The following SNTG1 variants were observed in gnomAD, a reference collection of about 807,000 sequenced individuals.
The protein encoded by SNTG1 is gamma-1-syntrophin.
In SNTG1, 39 loss-of-function variants were observed where a neutral mutation model predicts 74.7. That is an observed-to-expected ratio of 0.52 (90% CI 0.40 to 0.68). SNTG1 has a LOEUF of 0.68. SNTG1 is among the 30% of genes least tolerant of loss of function. The probability of loss-of-function intolerance (pLI) is 0.00; values close to 1 mark genes in which losing one functional copy is unlikely to be tolerated. For synonymous variants in SNTG1, 254 were observed against 217.1 expected, an observed-to-expected ratio of 1.17 and a Z score of -1.49; for missense variants, 685 against 609.5, an observed-to-expected ratio of 1.12 and a Z score of -1.30.
chr8:50,487,499 T>C (rs2093807277), intron 8 of SNTG1, among the ~76,000 whole-genome samples: 1 of 152,222 alleles, frequency 6.6e-6, no homozygotes, highest in African/African-American at 2.4e-5. Flanking sequence ...CATGGAATAC[T>C]ATGCAGCCAT....
intron 13 of SNTG1, among the ~76,000 whole-genome samples, chr8:50,642,909 G>A (rs1245743935): frequency 6.6e-6 from 1 of 152,098 alleles, no homozygotes. Context: ...TGTGTCCAGT[G>A]TTTATGACAG....
chr8:50,420,620 T>G (rs1180351841), intron 4 of SNTG1, among the ~76,000 whole-genome samples: 2 of 152,144 alleles, frequency 1.3e-5, no homozygotes, highest in Non-Finnish European at 2.9e-5. Flanking sequence ...ATAATACATT[T>G]TCCTTTTCCC....
intron 2 of SNTG1, among the ~76,000 whole-genome samples, chr8:50,315,619 C>A (rs1319654499): frequency 6.7e-6 from 1 of 149,750 alleles, no homozygotes; most frequent in Non-Finnish European, 1.5e-5. Flanking sequence ...AAGCAGAAAA[C>A]CTGCAGTGTA....
At chr8:50,071,304 T>C (rs1406913468) in intron 1 of SNTG1, among the ~76,000 whole-genome samples, 1 of 152,186 alleles carries the variant, frequency 6.6e-6, no homozygotes, top group Non-Finnish European at 1.5e-5. Flanking sequence ...GCTCAAGCTA[T>C]TCTCTTGCTT....
At chr8:50,605,746 T>A (rs148193543) in intron 13 of SNTG1, among the ~76,000 whole-genome samples, 2,024 of 152,250 alleles carry the variant, frequency 0.013, 48 homozygotes, top group African/African-American at 0.045. Context: ...ATCGTGCTAT[T>A]TGATGTGTGG....
chr8:50,118,142 T>A (rs1465014958), intron 1 of SNTG1, among the ~76,000 whole-genome samples: 1 of 152,194 alleles, frequency 6.6e-6, no homozygotes. Flanking sequence ...GAATATGATT[T>A]GTTTATTAAC....
intron 9 of SNTG1, among the ~76,000 whole-genome samples, chr8:50,522,438 T>C (rs1307940204): frequency 1.3e-5 from 2 of 152,098 alleles, no homozygotes; most frequent in African/African-American, 2.4e-5. Flanking sequence ...GCAGAGTAGA[T>C]TCACCATAAT....
chr8:50,700,539 C>T (rs970171012), intron 15 of SNTG1, among the ~76,000 whole-genome samples: 10 of 152,136 alleles, frequency 6.6e-5, no homozygotes, highest in African/African-American at 9.7e-5. Flanking sequence ...TCACTTAACT[C>T]TCCAATATCT....
intron 1 of SNTG1, among the ~76,000 whole-genome samples, chr8:50,068,078 A>T (rs1435232703): frequency 6.6e-6 from 1 of 152,200 alleles, no homozygotes; most frequent in Non-Finnish European, 1.5e-5. Flanking sequence ...TATGAAGAAA[A>T]GTACAAATCT....
chr8:50,647,114 G>A lies in SNTG1; in HGVS notation c.850-9795G>A, dbSNP rs1585947080. ...TTGAAAGGCAAATAAAACACCTAGAGGATGACATAGGAGAAAATGTAGATG... is the reference window on the plus strand; with the variant it reads ...TTGAAAGGCAAATAAAACACCTAGAAGATGACATAGGAGAAAATGTAGATG... On this transcript the variant is annotated intron_variant, in intron 13 of 18. Transcript: ENST00000642720. 2.0e-5 allele frequency among the ~76,000 whole-genome samples: 3 copies of A among 152,020 alleles called. No individual in the cohort carries two copies. The South Asian group carries it at 6.2e-4, about 31-fold the overall frequency.
At chr8:50,476,790 G>T (rs1330294340) in intron 8 of SNTG1, among the ~76,000 whole-genome samples, 2 of 151,216 alleles carry the variant, frequency 1.3e-5, no homozygotes, top group Non-Finnish European at 2.9e-5. Context: ...CTTTTCTCCA[G>T]TAAAGAGAAA....
At chr8:50,557,829 T>C (rs1011804572) in intron 12 of SNTG1, among the ~76,000 whole-genome samples, 1 of 152,242 alleles carries the variant, frequency 6.6e-6, no homozygotes, top group Admixed American at 6.5e-5. Flanking sequence ...TAGACAGTTC[T>C]GTCTGATTTT....
intron 1 of SNTG1, among the ~76,000 whole-genome samples, chr8:50,074,905 G>A (rs1362077614): frequency 2.0e-5 from 3 of 152,142 alleles, no homozygotes; most frequent in Non-Finnish European, 4.4e-5. Flanking sequence ...CCGCACTCGC[G>A]GCGCACGCGA....
At chr8:50,780,865 A>T (rs1363750555) in intron 18 of SNTG1, among the ~76,000 whole-genome samples, 1 of 152,150 alleles carries the variant, frequency 6.6e-6, no homozygotes, top group Non-Finnish European at 1.5e-5. Flanking sequence ...CCCTCTACAC[A>T]CTGCTTTGAA....
intron 4 of SNTG1, among the ~76,000 whole-genome samples, chr8:50,434,970 C>A (rs921980638): frequency 1.2e-4 from 19 of 152,020 alleles, no homozygotes; most frequent in African/African-American, 4.6e-4. Context: ...AATTTCAATA[C>A]CTGAGATATG....
intron 1 of SNTG1, among the ~76,000 whole-genome samples, chr8:49,971,952 A>G (rs1811725295): frequency 6.6e-6 from 1 of 152,228 alleles, no homozygotes; most frequent in South Asian, 2.1e-4. Flanking sequence ...AGGGTAATTT[A>G]TAGATTCAAT....
At chr8:49,916,699 T>G (rs1010591258) in intron 1 of SNTG1, among the ~76,000 whole-genome samples, 2 of 152,076 alleles carry the variant, frequency 1.3e-5, no homozygotes, top group African/African-American at 4.8e-5. Context: ...AACAATAATG[T>G]GTTACTTATA....
At chr8:50,669,255 T>C (rs1311009668) in intron 15 of SNTG1, among the ~76,000 whole-genome samples, 1 of 150,206 alleles carries the variant, frequency 6.7e-6, no homozygotes, top group Non-Finnish European at 1.5e-5. Flanking sequence ...ATCCAGGAGA[T>C]GGTTTTTTCA....
intron 1 of SNTG1, among the ~76,000 whole-genome samples, chr8:49,986,995 G>C (rs1813224783): frequency 6.6e-6 from 1 of 152,216 alleles, no homozygotes; most frequent in East Asian, 1.9e-4. Context: ...TTCCTAGCTA[G>C]AATGAGCAAT....
Sources: gnomAD v4.1 joint callset for allele counts (sites outside exome capture counted in the v4.1 genomes callset) on GRCh38, gnomAD v4.1.1 for gene constraint, MANE v1.5 for transcripts, NCBI Gene and HGNC (gene_info 2026-07-23, HGNC 2026-07-21) for gene names.